The following CDH12 variants were observed in gnomAD, a reference collection of about 807,000 sequenced individuals.
The protein encoded by CDH12 is cadherin-12.
A neutral mutation model predicts 74.1 loss-of-function variants in CDH12; 41 were observed. The observed-to-expected ratio is 0.55, with a 90% CI of 0.43 to 0.72. CDH12 has a LOEUF of 0.72. Among genes scored for constraint, CDH12 ranks in the 30% least tolerant of loss-of-function variants. CDH12 has a pLI of 0.00. For synonymous variants in CDH12, 399 were observed against 355.0 expected, an observed-to-expected ratio of 1.12 and a Z score of -1.39; for missense variants, 945 against 977.2, an observed-to-expected ratio of 0.97 and a Z score of 0.44.
chr5:22,412,733 T>C (rs1032110676), intron 2 of CDH12, among the ~76,000 whole-genome samples: 2 of 151,956 alleles, frequency 1.3e-5, no homozygotes, highest in Non-Finnish European at 1.5e-5. Flanking sequence ...ACTATAACTC[T>C]GTATAAACAA....
chr5:22,066,088 G>A (rs1741537999), intron 5 of CDH12, among the ~76,000 whole-genome samples: 1 of 152,086 alleles, frequency 6.6e-6, no homozygotes, highest in South Asian at 2.1e-4. Context: ...TTGAATGAAG[G>A]TAAGGCTGAG....
chr5:22,683,854 C>T (rs1234579858), intron 1 of CDH12, among the ~76,000 whole-genome samples: 1 of 152,196 alleles, frequency 6.6e-6, no homozygotes, highest in East Asian at 1.9e-4. Flanking sequence ...TGAAATGAGG[C>T]AGGGCATAGA....
intron 6 of CDH12, among the ~76,000 whole-genome samples, chr5:21,880,616 C>CTTCCTTCCTTCTTTCTCTCTTTCT (rs758455941): frequency 2.0e-5 from 1 of 50,810 alleles, no homozygotes; most frequent in Admixed American, 2.4e-4. Flanking sequence ...TCCTTCCTTC[C>CTTCCTTCCTTCTTTCTCTCTTTCT]TTCTTTCTTT....
chr5:22,735,319 T>C (rs1027429513), intron 1 of CDH12, among the ~76,000 whole-genome samples: 3 of 151,914 alleles, frequency 2.0e-5, no homozygotes, highest in African/African-American at 7.2e-5. Flanking sequence ...AACTAGCCAT[T>C]TAATGATACA....
At chr5:21,873,096 CA>C (rs1751732999) in intron 6 of CDH12, among the ~76,000 whole-genome samples, 1 of 151,934 alleles carries the variant, frequency 6.6e-6, no homozygotes, top group South Asian at 2.1e-4. Flanking sequence ...TGATCTTGTG[CA>C]AGTTATTTCA....
chr5:22,516,692 G>A (rs1456181157), intron 1 of CDH12, among the ~76,000 whole-genome samples: 1 of 152,102 alleles, frequency 6.6e-6, no homozygotes, highest in Non-Finnish European at 1.5e-5. Context: ...CTACTAGCGA[G>A]ACTGGAGTGG....
chr5:22,215,046 C>T (rs1751750848), intron 3 of CDH12, among the ~76,000 whole-genome samples: 1 of 152,186 alleles, frequency 6.6e-6, no homozygotes, highest in South Asian at 2.1e-4. Flanking sequence ...CTATTACATG[C>T]TTGCTATGTA....
rs375624564 is a variant in CDH12 at position 22,359,805 on chromosome 5, C to T, written c.-333+45452G>A. On this transcript the variant is annotated intron_variant, in intron 3 of 14. Coordinates refer to ENST00000382254, the MANE Select transcript of CDH12 (RefSeq NM_004061.5). Reference sequence around the variant, plus strand: ...TCAAAACCACTCAACTACATGGAAACTGAACAACCTGCTCCTGAATGAGTA... The same window carrying T: ...TCAAAACCACTCAACTACATGGAAATTGAACAACCTGCTCCTGAATGAGTA... 4.6e-5 allele frequency among the ~76,000 whole-genome samples: 7 copies of T among 152,246 alleles called. No homozygotes were observed. The South Asian group carries it at 1.5e-3, about 32-fold the overall frequency.
At chr5:22,712,818 T>C in intron 1 of CDH12, among the ~76,000 whole-genome samples, 1 of 152,172 alleles carries the variant, frequency 6.6e-6, no homozygotes, top group Admixed American at 6.5e-5. Flanking sequence ...TCTCCAGAAA[T>C]CATTTTCCCA....
intron 3 of CDH12, among the ~76,000 whole-genome samples, chr5:22,225,001 C>T (rs1307623592): frequency 6.6e-6 from 1 of 151,918 alleles, no homozygotes; most frequent in African/African-American, 2.4e-5. Context: ...TCTCATGACT[C>T]ACAGTAAAAT....
intron 1 of CDH12, among the ~76,000 whole-genome samples, chr5:22,600,589 T>C (rs1039787579): frequency 1.3e-5 from 2 of 152,116 alleles, no homozygotes; most frequent in Admixed American, 6.6e-5. Flanking sequence ...ATCCCTATGC[T>C]ACCTTATGTG....
At chr5:22,139,513 A>G (rs530750455) in intron 4 of CDH12, 2 of 134,578 alleles carry the variant, frequency 1.5e-5, no homozygotes, top group South Asian at 2.5e-4. Flanking sequence ...CCAAAAATGT[A>G]TGGTAAACTG....
intron 2 of CDH12, among the ~76,000 whole-genome samples, chr5:22,486,452 T>C (rs1746601513): frequency 6.7e-6 from 1 of 150,076 alleles, no homozygotes; most frequent in African/African-American, 2.5e-5. Context: ...AGTAATTTTT[T>C]TTTTTTTTTT....
chr5:22,395,813 T>A (rs999077171), intron 3 of CDH12, among the ~76,000 whole-genome samples: 1 of 152,018 alleles, frequency 6.6e-6, no homozygotes, highest in Non-Finnish European at 1.5e-5. Flanking sequence ...AAAGAAGAGA[T>A]GGGTAAGGCC....
intron 1 of CDH12, among the ~76,000 whole-genome samples, chr5:22,627,192 C>T (rs1352211955): frequency 6.6e-6 from 1 of 152,064 alleles, no homozygotes; most frequent in African/African-American, 2.4e-5. Context: ...AAATATTTCC[C>T]AAACTTCACT....
chr5:22,575,714 G>A (rs1739754924), intron 1 of CDH12, among the ~76,000 whole-genome samples: 1 of 151,848 alleles, frequency 6.6e-6, no homozygotes. Context: ...ACAGGTGTGT[G>A]CCACCACTCC....
At chr5:21,915,256 A>T (rs1754035004) in intron 6 of CDH12, among the ~76,000 whole-genome samples, 1 of 152,216 alleles carries the variant, frequency 6.6e-6, no homozygotes, top group Admixed American at 6.5e-5. Context: ...GGTTATATTT[A>T]CATTAAAATT....
intron 6 of CDH12, among the ~76,000 whole-genome samples, chr5:21,863,869 A>G (rs896887453): frequency 6.6e-6 from 1 of 152,176 alleles, no homozygotes; most frequent in Non-Finnish European, 1.5e-5. Context: ...TAACAAAAAG[A>G]GAGAGATTTC....
chr5:22,636,908 A>G (rs2126864635), intron 1 of CDH12, among the ~76,000 whole-genome samples: 1 of 152,344 alleles, frequency 6.6e-6, no homozygotes, highest in South Asian at 2.1e-4. Flanking sequence ...CAAGTTGTAT[A>G]CAGGGGAACA....
Sources: gnomAD v4.1 joint callset for allele counts (sites outside exome capture counted in the v4.1 genomes callset) on GRCh38, gnomAD v4.1.1 for gene constraint, MANE v1.5 for transcripts, NCBI Gene and HGNC (gene_info 2026-07-23, HGNC 2026-07-21) for gene names.